Variants in CFAP92 observed in about 807,000 individuals in gnomAD.
CFAP92 encodes cilia and flagella associated protein 92 (putative), also known as uncharacterized protein CFAP92.
CFAP92 carries 86 observed loss-of-function variants against 106.3 expected under a neutral mutation model. The observed-to-expected ratio is 0.81, with a 90% CI of 0.68 to 0.97. CFAP92 has a LOEUF of 0.97. Ranked by LOEUF, CFAP92 falls within the 50% of genes least tolerant of loss-of-function variation. The pLI, the probability that CFAP92 is intolerant of heterozygous loss-of-function variation, is 0.00. For synonymous variants in CFAP92, 477 were observed against 506.4 expected (o/e 0.94, Z 0.78); for missense variants, 1,204 against 1,283.8 (o/e 0.94, Z 0.95).
At chr3:128,931,639 C>G (rs1938406855) in intron 12 of CFAP92, among the ~76,000 whole-genome samples, 1 of 151,254 alleles carries the variant, frequency 6.6e-6, no homozygotes, top group African/African-American at 2.4e-5. Context: ...AAAATAAAAG[C>G]TGAAGTTAAT....
intron 2 of CFAP92, chr3:128,991,691 T>G (rs1034140415): frequency 3.4e-6 from 3 of 880,696 alleles, no homozygotes; most frequent in South Asian, 3.7e-5. Flanking sequence ...TCAGCCGGCC[T>G]GCACCAAGGC....
chr3:129,023,624 G>A, the CFAP92 span, among the ~76,000 whole-genome samples: 4 of 152,198 alleles, frequency 2.6e-5, no homozygotes, highest in Admixed American at 1.3e-4. Context: ...GAGCCACCGC[G>A]CCTGGCCACC....
At chr3:128,992,680 C>T (rs1252443773) in intron 2 of CFAP92, among the ~76,000 whole-genome samples, 34 of 151,988 alleles carry the variant, frequency 2.2e-4, no homozygotes, top group Admixed American at 2.2e-3. Flanking sequence ...GTTCAAGAGA[C>T]TCTCCTGCCT....
At chr3:128,981,067 C>T (rs1302423765) in intron 4 of CFAP92, among the ~76,000 whole-genome samples, 2 of 149,330 alleles carry the variant, frequency 1.3e-5, no homozygotes, top group African/African-American at 2.5e-5. Context: ...GGCAGAGTCT[C>T]GCTCCGTCAC....
rs149938297 is a variant in CFAP92, at chr3:128,935,107, C to G, written c.2453+18G>C. 1,320 of 1,500,380 alleles carry G rather than the reference C, an allele frequency of 8.8e-4. 12 individuals are homozygous for G. In the African/African-American group the frequency reaches 0.016, roughly 19 times the overall value. 92.9% of individuals were successfully genotyped at this position (1,500,380 alleles called of 1,614,324 possible). ...TCCCGCCGGGGCGCAGGACCACATG[C>G]GAGCTGCCACTGCCCACCTGGCTAG... On this transcript the variant is annotated intron_variant, in intron 11 of 15. Coordinates refer to ENST00000645291, the MANE Select transcript of CFAP92 (RefSeq NM_001394090.1).
At position 128,915,505 on chromosome 3, in the gene CFAP92, A is replaced by C. The variant is rs759208508; in HGVS notation, c.2975T>G (p.Leu992Arg). 1.2e-5 allele frequency: 19 copies of C among 1,535,860 alleles called. No individual in the cohort carries two copies. Among genetic ancestry groups the C allele is most frequent in the Non-Finnish European group, 1.7e-6 (2 of 1,146,868 alleles). Residue 992 changes from leucine (L) to arginine (R), a missense_variant, in exon 14 of 16, where the codon CTG (leucine) becomes CGG (arginine). Leu to Arg is a moderately radical substitution (Grantham distance 102). Transcript: ENST00000645291. The part of the protein sequence containing the change: ...QDYLSAMVEP[L>R]DLKEEEKKAQ... ...TTTCTTCTCCTCTTCCTTCAAGTCC[A>C]GGGGCTCCACCATGGCTGAGAGGTA... is the stretch of plus-strand genomic sequence containing the variant.
At chr3:128,943,683 G>A (rs1038130060) in intron 10 of CFAP92, among the ~76,000 whole-genome samples, 2 of 151,820 alleles carry the variant, frequency 1.3e-5, no homozygotes, top group African/African-American at 4.8e-5. Flanking sequence ...TTACAGGCAC[G>A]TGCCACCATG....
the CFAP92 span, among the ~76,000 whole-genome samples, chr3:129,021,500 G>A: frequency 8.5e-5 from 13 of 152,246 alleles, no homozygotes; most frequent in South Asian, 2.7e-3. Flanking sequence ...CTTGAACCCG[G>A]GAGGCGGAGG....
At chr3:128,915,834 TAA>T (rs1936771383) in intron 13 of CFAP92, 1 of 487,194 alleles carries the variant, frequency 2.1e-6, no homozygotes, top group Non-Finnish European at 3.6e-6. Flanking sequence ...GCAGCAATCA[TAA>T]AGTGTTCCCC....
At chr3:128,978,852 C>T (rs1226336587) in intron 4 of CFAP92, among the ~76,000 whole-genome samples, 1 of 152,160 alleles carries the variant, frequency 6.6e-6, no homozygotes, top group African/African-American at 2.4e-5. Context: ...CATAAAAACC[C>T]TAGAAGAAAA....
At chr3:128,952,085 G>A (rs995375275) in intron 9 of CFAP92, among the ~76,000 whole-genome samples, 1 of 151,612 alleles carries the variant, frequency 6.6e-6, no homozygotes, top group African/African-American at 2.4e-5. Context: ...TTTGGTGTTG[G>A]AGAAGGCCTG....
chr3:128,995,588 C>T (rs1420871142), upstream of CFAP92, among the ~76,000 whole-genome samples: 1 of 152,210 alleles, frequency 6.6e-6, no homozygotes, highest in African/African-American at 2.4e-5. Context: ...CATCAGGCCT[C>T]CTGCTCCCCA....
At chr3:128,978,356 G>T in intron 4 of CFAP92, 171 bp from the exon 5 acceptor site, 2 of 618,264 alleles carry the variant, frequency 3.2e-6, no homozygotes, top group Admixed American at 6.5e-5. Context: ...TATAAATTAT[G>T]TTTATATCAT....
chr3:129,004,686 G>A (rs1247846493), upstream of CFAP92, among the ~76,000 whole-genome samples: 1 of 152,148 alleles, frequency 6.6e-6, no homozygotes, highest in East Asian at 1.9e-4. Context: ...CTAAGCACTC[G>A]CTGTTTGCCA....
chr3:128,932,823 A>G lies in CFAP92; in HGVS notation c.2628T>C (p.Leu876=). The part of the protein sequence containing the change: ...FALPPQPAPN[L]EDYHSRNSTL... ...TGGAGTTCCGACTGTGGTAGTCCTCAAGATTGGGGGCAGGCTGAGGTGGTA... is the reference window on the plus strand; with the variant it reads ...TGGAGTTCCGACTGTGGTAGTCCTCGAGATTGGGGGCAGGCTGAGGTGGTA... Residue 876 remains leucine, a synonymous_variant, in exon 12 of 16, where the codon CTT becomes CTC. Coordinates refer to ENST00000645291, the MANE Select transcript of CFAP92 (RefSeq NM_001394090.1). 1 of 1,536,192 alleles carries G rather than the reference A, an allele frequency of 6.5e-7. No individual in the cohort carries two copies. Among genetic ancestry groups the G allele is most frequent in the South Asian group, 1.2e-5 (1 of 84,058 alleles).
intron 4 of CFAP92, among the ~76,000 whole-genome samples, chr3:128,981,071 C>G (rs902290866): frequency 1.3e-5 from 2 of 150,674 alleles, no homozygotes; most frequent in African/African-American, 4.9e-5. Context: ...GAGTCTCGCT[C>G]CGTCACCCAG....
intron 9 of CFAP92, among the ~76,000 whole-genome samples, chr3:128,963,214 G>C (rs142611917): frequency 0.016 from 2,432 of 151,778 alleles, 45 homozygotes; most frequent in African/African-American, 0.045. Flanking sequence ...CCTTACAAAA[G>C]AACAACTCCT....
upstream of CFAP92, chr3:129,003,804 G>C: frequency 1.4e-6 from 2 of 1,460,498 alleles, no homozygotes; most frequent in Non-Finnish European, 1.8e-6. Context: ...GTCGGACTCT[G>C]GAAGAGCCAG....
chr3:128,995,857 A>G (rs900751088), upstream of CFAP92, among the ~76,000 whole-genome samples: 3 of 152,226 alleles, frequency 2.0e-5, no homozygotes, highest in African/African-American at 7.2e-5. Flanking sequence ...TATTTTCCAA[A>G]GACAGCCACC....
Sources: gnomAD v4.1 joint callset for allele counts (sites outside exome capture counted in the v4.1 genomes callset) on GRCh38, gnomAD v4.1.1 for gene constraint, MANE v1.5 for transcripts, NCBI Gene and HGNC (gene_info 2026-07-23, HGNC 2026-07-21) for gene names.